Variants in ATP8A1 observed in about 807,000 individuals in gnomAD.
ATP8A1 encodes the protein phospholipid-transporting ATPase IA.
Under a neutral mutation model 177.7 loss-of-function variants are expected in ATP8A1, and 90 were observed. The ratio of observed to expected loss-of-function variants is 0.51; its 90% CI spans 0.43 to 0.60. The LOEUF (loss-of-function observed/expected upper bound fraction) is 0.60, where lower values mean the gene tolerates loss of function less well. Ranked by LOEUF, ATP8A1 falls within the 20% of genes least tolerant of loss-of-function variation. ATP8A1 has a pLI of 0.00. For missense variants in ATP8A1, 1,072 were observed against 1,392.8 expected (o/e 0.77, Z 3.67); for synonymous variants, 493 against 485.9 (o/e 1.01, Z -0.19).
At position 42,412,829 on chromosome 4, in the gene ATP8A1, C is replaced by T; in HGVS notation, c.*87G>A. ...AGATCTACCTTTCCTCTTCATGGAC[C>T]AGACTGGAATTGGTTAGCAGACTGC... On this transcript the variant is annotated 3_prime_UTR_variant, in exon 37 of 37. Coordinates refer to ENST00000381668, the MANE Select transcript of ATP8A1 (RefSeq NM_006095.2). The T allele has an allele frequency of 9.2e-7, 1 of 1,082,102 alleles. No individual in the cohort carries two copies. Among genetic ancestry groups the T allele is most frequent in the South Asian group, 1.4e-5 (1 of 73,638 alleles). 67.0% of individuals were successfully genotyped at this position (1,082,102 alleles called of 1,614,324 possible).
intron 6 of ATP8A1, among the ~76,000 whole-genome samples, chr4:42,594,024 C>A (rs1476643001): frequency 6.6e-6 from 1 of 151,888 alleles, no homozygotes; most frequent in African/African-American, 2.4e-5. Flanking sequence ...AGTTATGATC[C>A]CCACAAAAGA....
intron 5 of ATP8A1, among the ~76,000 whole-genome samples, chr4:42,607,995 T>C (rs1334258735): frequency 2.0e-5 from 3 of 152,216 alleles, no homozygotes; most frequent in African/African-American, 7.2e-5. Flanking sequence ...ACACCTGTTA[T>C]AGTTTTCTAA....
intron 31 of ATP8A1, among the ~76,000 whole-genome samples, chr4:42,446,154 A>C (rs747492412): frequency 2.0e-5 from 3 of 151,226 alleles, no homozygotes; most frequent in African/African-American, 7.3e-5. Context: ...TGAGACCTGG[A>C]TACTGTAAAG....
At chr4:42,625,514 G>A (rs544815297) in intron 3 of ATP8A1, 100 bp downstream of exon 3, 8 of 711,950 alleles carry the variant, frequency 1.1e-5, no homozygotes, top group Non-Finnish European at 1.1e-5. Context: ...ACCAAAACCA[G>A]CTTATCTCTC....
intron 27 of ATP8A1, among the ~76,000 whole-genome samples, chr4:42,463,943 T>C (rs1719445685): frequency 6.6e-6 from 1 of 152,202 alleles, no homozygotes; most frequent in Non-Finnish European, 1.5e-5. Context: ...GCTACCTGCA[T>C]ATTCTTCCTG....
intron 20 of ATP8A1, among the ~76,000 whole-genome samples, chr4:42,543,501 CAA>C (rs1317066997): frequency 2.6e-5 from 4 of 152,162 alleles, no homozygotes; most frequent in African/African-American, 9.6e-5. Context: ...CAATGCAAGA[CAA>C]ATTAGTCCCA....
At chr4:42,583,181 T>TATA (rs1553910356) in intron 9 of ATP8A1, among the ~76,000 whole-genome samples, 4 of 152,008 alleles carry the variant, frequency 2.6e-5, no homozygotes, top group African/African-American at 9.7e-5. Context: ...CTACACAAAT[T>TATA]CTGACACAGG....
chr4:42,423,556 G>A (rs1426394051), intron 34 of ATP8A1, 61 bp downstream of exon 34: 5 of 1,203,822 alleles, frequency 4.2e-6, no homozygotes, highest in African/African-American at 3.0e-5. Flanking sequence ...GTTACCAAGA[G>A]AGAAATCTGA....
At position 42,414,633 on chromosome 4, in the gene ATP8A1, G is replaced by T. The variant is rs376142691; in HGVS notation, c.3391C>A (p.Leu1131Met). 5 of 1,613,406 alleles carry T rather than the reference G, an allele frequency of 3.1e-6. No individual in the cohort carries two copies. Among genetic ancestry groups the T allele is most frequent in the Non-Finnish European group, 4.2e-6 (5 of 1,179,492 alleles). ...LYRSESLQQN[L>M]LHGYAFSQDE... ...AAGAAACTCAAATACTCACGGAGCA[G>T]ATTTTGTTGCAAGGATTCAGAGCGG... The change falls in exon 36 of 37, where the codon CTG (leucine) becomes ATG (methionine). Residue 1131 changes from leucine (L) to methionine (M), a missense_variant. Leu to Met is a conservative substitution (Grantham distance 15). This residue lies in a region of ATP8A1 where 316 missense variants were observed against 459.1 expected (regional missense o/e 0.69). Coordinates refer to ENST00000381668, the MANE Select transcript of ATP8A1 (RefSeq NM_006095.2).
intron 29 of ATP8A1, among the ~76,000 whole-genome samples, chr4:42,453,891 C>T (rs1184526940): frequency 2.0e-5 from 3 of 152,062 alleles, no homozygotes; most frequent in African/African-American, 7.2e-5. Flanking sequence ...TGTGGCTTGC[C>T]ATCATTTGTG....
At chr4:42,639,126 C>T (rs942135721) in intron 1 of ATP8A1, among the ~76,000 whole-genome samples, 3 of 152,038 alleles carry the variant, frequency 2.0e-5, no homozygotes, top group Admixed American at 2.0e-4. Flanking sequence ...GTGGAAGGCC[C>T]TGACAAGGCG....
At position 42,499,104 on chromosome 4, in the gene ATP8A1, G is replaced by A. The variant is rs563890575; in HGVS notation, c.2151+4346C>T. Among the ~76,000 whole-genome samples, 12 of 152,290 alleles carry A rather than the reference G, an allele frequency of 7.9e-5. No individual in the cohort carries two copies. The South Asian group carries it at 2.1e-3, about 26-fold the overall frequency. ...CCAAACACTACTTCTCATACATTAGGTGGTGGCTCCTGATCAGGCTGAAGG... is the reference window on the plus strand; with the variant it reads ...CCAAACACTACTTCTCATACATTAGATGGTGGCTCCTGATCAGGCTGAAGG... On this transcript the variant is annotated intron_variant, in intron 24 of 36. Coordinates refer to ENST00000381668, the MANE Select transcript of ATP8A1 (RefSeq NM_006095.2).
At chr4:42,491,666 G>C (rs1722756379) in intron 24 of ATP8A1, among the ~76,000 whole-genome samples, 1 of 152,088 alleles carries the variant, frequency 6.6e-6, no homozygotes. Context: ...TTTCATTTTG[G>C]CAAAACTCTG....
chr4:42,594,251 A>G, intron 6 of ATP8A1: 1 of 1,224,380 alleles, frequency 8.2e-7, no homozygotes. Flanking sequence ...TAGAGAAACC[A>G]TCCTCTACAC....
At chr4:42,477,402 T>C (rs1284256867) in intron 25 of ATP8A1, among the ~76,000 whole-genome samples, 3 of 152,128 alleles carry the variant, frequency 2.0e-5, no homozygotes, top group Non-Finnish European at 2.9e-5. Context: ...GGCACACTAG[T>C]AGAGTTGTTT....
At chr4:42,555,838 C>CTAAA (rs1491532144) in intron 16 of ATP8A1, 130 bp downstream of exon 16, 55 of 669,434 alleles carry the variant, frequency 8.2e-5, no homozygotes, top group Admixed American at 4.3e-4. Context: ...AACTAACTAA[C>CTAAA]TAACTAAATA....
chr4:42,481,308 C>A (rs1270347922), intron 25 of ATP8A1, among the ~76,000 whole-genome samples: 7 of 152,148 alleles, frequency 4.6e-5, no homozygotes, highest in Non-Finnish European at 8.8e-5. Context: ...GACAAGATAA[C>A]CCAGGAAGGG....
chr4:42,581,737 G>T lies in ATP8A1; in HGVS notation c.723-5C>A. 1 of 1,603,454 alleles carries T rather than the reference G, an allele frequency of 6.2e-7. No individual in the cohort carries two copies. The highest frequency in any genetic ancestry group is 8.5e-7 in the Non-Finnish European group (1 of 1,170,966). On this transcript the variant is annotated splice_region_variant and splice_polypyrimidine_tract_variant and intron_variant, in intron 9 of 36. Transcript: ENST00000381668. ...TCTGCTCCCAGTGGAACGGTGCTAG[G>T]ACAGATTACGTTGACATTAGAAACA... is the stretch of plus-strand genomic sequence containing the variant.
intron 5 of ATP8A1, among the ~76,000 whole-genome samples, chr4:42,610,495 G>T (rs1474555523): frequency 1.3e-5 from 2 of 151,120 alleles, no homozygotes; most frequent in African/African-American, 4.9e-5. Flanking sequence ...AAAGCACAGA[G>T]CAAAGTCATA....
Sources: allele counts gnomAD v4.1 joint callset (sites outside exome capture counted in the v4.1 genomes callset), GRCh38; gene constraint gnomAD v4.1.1; regional missense constraint gnomAD v4.1.1; transcripts MANE v1.5; gene names NCBI Gene and HGNC (gene_info 2026-07-23, HGNC 2026-07-21).